The following LMNTD1 variants were observed in gnomAD, a reference collection of about 807,000 sequenced individuals.
The protein encoded by LMNTD1 is lamin tail domain-containing protein 1.
In LMNTD1, 35 loss-of-function variants were observed where a neutral mutation model predicts 50.9. The ratio of observed to expected loss-of-function variants is 0.69; its 90% CI spans 0.53 to 0.91. The LOEUF is 0.91. LMNTD1 is among the 40% of genes least tolerant of loss of function. LMNTD1 has a pLI of 0.00. For missense variants in LMNTD1, 470 were observed against 475.5 expected (o/e 0.99, Z 0.11); for synonymous variants, 153 against 161.9 (o/e 0.94, Z 0.42).
chr12:25,527,363 T>C (rs532939720), intron 4 of LMNTD1, among the ~76,000 whole-genome samples: 2 of 151,960 alleles, frequency 1.3e-5, no homozygotes, highest in Admixed American at 6.6e-5. Context: ...AAATAGCAAC[T>C]ATGTGATTAA....
chr12:25,519,789 C>T (rs547113775), intron 7 of LMNTD1, 69 bp downstream of exon 7: 3 of 990,458 alleles, frequency 3.0e-6, no homozygotes, highest in East Asian at 4.8e-5. Context: ...GTCATCTAGT[C>T]GTTCCCACAT....
At chr12:25,615,428 T>C (rs1235413746) in intron 1 of LMNTD1, among the ~76,000 whole-genome samples, 1 of 152,164 alleles carries the variant, frequency 6.6e-6, no homozygotes, top group Non-Finnish European at 1.5e-5. Flanking sequence ...GAGAGCCATA[T>C]AGCAGAACCA....
chr12:25,583,724 A>G (rs1945405879), intron 1 of LMNTD1, among the ~76,000 whole-genome samples: 1 of 152,154 alleles, frequency 6.6e-6, no homozygotes, highest in African/African-American at 2.4e-5. Flanking sequence ...TAAGGCTGGG[A>G]GAGGGAGCAG....
At chr12:25,525,543 T>C (rs1206701865) in intron 6 of LMNTD1, among the ~76,000 whole-genome samples, 1 of 152,232 alleles carries the variant, frequency 6.6e-6, no homozygotes, top group Non-Finnish European at 1.5e-5. Flanking sequence ...ACTTCGAAAG[T>C]TGAAGAGGCT....
intron 1 of LMNTD1, among the ~76,000 whole-genome samples, chr12:25,618,921 G>A (rs149574819): frequency 2.6e-5 from 4 of 152,278 alleles, no homozygotes; most frequent in East Asian, 1.9e-4. Flanking sequence ...CACTGAATGA[G>A]TGAAATTCAT....
chr12:25,611,219 G>A (rs187411194), intron 1 of LMNTD1, among the ~76,000 whole-genome samples: 202 of 152,268 alleles, frequency 1.3e-3, no homozygotes, highest in Admixed American at 2.0e-3. Flanking sequence ...TTTTAATGGC[G>A]TACTGGAGAC....
intron 1 of LMNTD1, among the ~76,000 whole-genome samples, chr12:25,621,705 A>T (rs967743309): frequency 6.6e-6 from 1 of 152,200 alleles, no homozygotes; most frequent in Non-Finnish European, 1.5e-5. Context: ...CCCCTAAAAC[A>T]TGGCCTTATT....
Position 25,635,516 on chromosome 12 carries a change from C to T in LMNTD1, c.58+12978G>A, listed in dbSNP as rs1158752428. On this transcript the variant is annotated intron_variant, in intron 1 of 7. Transcript: ENST00000445693. ...ACAAACAAATGGAAACACTCCCATGCTCATGGATGGATAGAATCAATATTT... is the reference window on the plus strand; with the variant it reads ...ACAAACAAATGGAAACACTCCCATGTTCATGGATGGATAGAATCAATATTT... 5.3e-5 allele frequency among the ~76,000 whole-genome samples: 8 copies of T among 152,300 alleles called. No individual in the cohort carries two copies. The East Asian group carries it at 1.4e-3, about 26-fold the overall frequency.
intron 1 of LMNTD1, among the ~76,000 whole-genome samples, chr12:25,595,112 A>T (rs558395374): frequency 6.6e-6 from 1 of 152,222 alleles, no homozygotes; most frequent in East Asian, 1.9e-4. Flanking sequence ...AAGAAATGAG[A>T]TAGATGGCAA....
intron 4 of LMNTD1, among the ~76,000 whole-genome samples, chr12:25,534,329 A>G (rs2136138346): frequency 6.6e-6 from 1 of 152,362 alleles, no homozygotes; most frequent in East Asian, 1.9e-4. Flanking sequence ...ATCTGGAAAA[A>G]TATATGAAAC....
intron 6 of LMNTD1, 70 bp from the exon 7 acceptor site, chr12:25,520,145 CATATATATATATAT>C (rs71065950): frequency 1.1e-4 from 25 of 234,196 alleles, no homozygotes; most frequent in African/African-American, 6.7e-4. Flanking sequence ...ATGAGATATA[CATATATATATATAT>C]ATATATATAT....
chr12:25,557,495 A>G (rs1944092482), upstream of LMNTD1: 1 of 152,206 alleles, frequency 6.6e-6, no homozygotes, highest in Non-Finnish European at 1.5e-5. Flanking sequence ...TACTTTACAC[A>G]TTACATGTAT....
chr12:25,554,544 T>C (rs1943950452), upstream of LMNTD1, among the ~76,000 whole-genome samples: 1 of 152,224 alleles, frequency 6.6e-6, no homozygotes, highest in Non-Finnish European at 1.5e-5. Flanking sequence ...CTTAAACTAA[T>C]TTAGTGGTTT....
At chr12:25,636,365 C>A (rs905039759) in intron 1 of LMNTD1, among the ~76,000 whole-genome samples, 1 of 151,736 alleles carries the variant, frequency 6.6e-6, no homozygotes, top group Non-Finnish European at 1.5e-5. Flanking sequence ...TACAAATGAC[C>A]AACAAACATG....
intron 8 of LMNTD1, among the ~76,000 whole-genome samples, chr12:25,508,213 A>G (rs1256177898): frequency 6.6e-6 from 1 of 152,206 alleles, no homozygotes; most frequent in Non-Finnish European, 1.5e-5. Flanking sequence ...ACATACTTGT[A>G]AACACCACTT....
At chr12:25,501,519 T>A (rs1939389892) in intron 9 of LMNTD1, among the ~76,000 whole-genome samples, 1 of 152,184 alleles carries the variant, frequency 6.6e-6, no homozygotes, top group East Asian at 1.9e-4. Flanking sequence ...TAAAGGTTAA[T>A]TAGCAGAGTG....
chr12:25,508,735 A>T (rs1940019365), intron 8 of LMNTD1, among the ~76,000 whole-genome samples: 1 of 152,192 alleles, frequency 6.6e-6, no homozygotes, highest in Non-Finnish European at 1.5e-5. Flanking sequence ...ACAATGTTGA[A>T]TAGAAGTCAT....
intron 1 of LMNTD1, among the ~76,000 whole-genome samples, chr12:25,593,688 T>G (rs1452590912): frequency 6.6e-6 from 1 of 151,442 alleles, no homozygotes; most frequent in East Asian, 1.9e-4. Context: ...TCACCAGCAA[T>G]GGGTCCAAAC....
intron 1 of LMNTD1, among the ~76,000 whole-genome samples, chr12:25,565,584 G>T (rs942992770): frequency 1.3e-5 from 2 of 152,032 alleles, no homozygotes; most frequent in African/African-American, 4.8e-5. Flanking sequence ...ATTTTGGATT[G>T]GTTCATCCTT....
Sources: gnomAD v4.1 joint callset for allele counts (sites outside exome capture counted in the v4.1 genomes callset) on GRCh38, gnomAD v4.1.1 for gene constraint, MANE v1.5 for transcripts, NCBI Gene and HGNC (gene_info 2026-07-23, HGNC 2026-07-21) for gene names.